CLEC16A: variants seen among roughly 807,000 people sequenced by gnomAD.
CLEC16A encodes C-type lectin domain containing 16A, also known as protein CLEC16A.
A neutral mutation model predicts 109.5 loss-of-function variants in CLEC16A; 51 were observed. That is an observed-to-expected ratio of 0.47 (90% confidence interval 0.37 to 0.59). The LOEUF is 0.59. Ranked by LOEUF, CLEC16A falls within the 20% of genes least tolerant of loss-of-function variation. CLEC16A has a pLI of 0.00. For missense variants in CLEC16A, 1,339 were observed against 1,394.0 expected (o/e 0.96, Z 0.63); for synonymous variants, 673 against 564.2 (o/e 1.19, Z -2.73).
chr16:11,008,070 G>T (rs904694982), intron 11 of CLEC16A, among the ~76,000 whole-genome samples: 1 of 152,120 alleles, frequency 6.6e-6, no homozygotes, highest in African/African-American at 2.4e-5. Flanking sequence ...AGCACTTAGC[G>T]CACACACTCT....
intron 19 of CLEC16A, among the ~76,000 whole-genome samples, chr16:11,094,074 G>C (rs2050465027): frequency 6.6e-6 from 1 of 152,152 alleles, no homozygotes; most frequent in South Asian, 2.1e-4. Flanking sequence ...GCCTTCTTTT[G>C]TAACTGTGGC....
chr16:11,139,252 C>T (rs1404742882), intron 22 of CLEC16A, among the ~76,000 whole-genome samples: 1 of 152,162 alleles, frequency 6.6e-6, no homozygotes, highest in African/African-American at 2.4e-5. Flanking sequence ...TCAGACAGAA[C>T]CTCCAAGCTT....
At chr16:11,038,586 C>A (rs551832146) in intron 13 of CLEC16A, among the ~76,000 whole-genome samples, 1 of 152,160 alleles carries the variant, frequency 6.6e-6, no homozygotes, top group African/African-American at 2.4e-5. Context: ...CACACACTTG[C>A]CTGTTCTTCT....
intron 13 of CLEC16A, among the ~76,000 whole-genome samples, chr16:11,037,326 T>G (rs779012778): frequency 2.2e-4 from 33 of 152,206 alleles, no homozygotes; most frequent in Non-Finnish European, 1.5e-5. Context: ...TTGAGCTGTG[T>G]CTCTGACTTG....
chr16:11,149,448 G>C (rs1317710158), intron 22 of CLEC16A, among the ~76,000 whole-genome samples: 2 of 151,822 alleles, frequency 1.3e-5, no homozygotes, highest in East Asian at 3.9e-4. Flanking sequence ...TCCCTGTTTT[G>C]TCTCTTTCTC....
intron 19 of CLEC16A, among the ~76,000 whole-genome samples, chr16:11,098,670 A>C (rs970799276): frequency 6.6e-6 from 1 of 152,218 alleles, no homozygotes; most frequent in Non-Finnish European, 1.5e-5. Flanking sequence ...CGGGTGCCCC[A>C]GGCTGCCAAT....
chr16:11,136,834 G>A (rs1027807427), intron 22 of CLEC16A, among the ~76,000 whole-genome samples: 1 of 152,198 alleles, frequency 6.6e-6, no homozygotes, highest in African/African-American at 2.4e-5. Flanking sequence ...GCCATCATTG[G>A]CACTGCGCCC....
rs903920096 is a variant in CLEC16A, at chr16:11,174,342, G to A, written c.2807-3993G>A. On this transcript the variant is annotated intron_variant, in intron 23 of 23. Transcript: ENST00000409790. The surrounding 1 kb of genome is among the most constrained non-coding windows in gnomAD (Gnocchi z 4.7). ...CTCGCCACGCTGCATTTCCACAGTC[G>A]GCAGGGTCCGCGCTGGCAAGGTGGG... 34 of 415,144 alleles carry A rather than the reference G, an allele frequency of 8.2e-5. No homozygotes were observed. The highest frequency in any genetic ancestry group is 4.5e-4 in the East Asian group (6 of 13,404). The allele number at this position is 415,144 out of a possible 1,614,324, so 25.7% of individuals were successfully genotyped here.
At chr16:10,990,461 A>G (rs2043937515) in intron 10 of CLEC16A, among the ~76,000 whole-genome samples, 1 of 152,204 alleles carries the variant, frequency 6.6e-6, no homozygotes, top group Non-Finnish European at 1.5e-5. Context: ...TTAGTACTTG[A>G]GAAGGGAGCA....
chr16:11,065,582 C>T (rs2048716380), intron 19 of CLEC16A, among the ~76,000 whole-genome samples: 1 of 152,180 alleles, frequency 6.6e-6, no homozygotes, highest in Non-Finnish European at 1.5e-5. Context: ...AGGGAGCAAC[C>T]ACTAACAGGT....
chr16:11,142,785 C>G (rs1597545845), intron 22 of CLEC16A, among the ~76,000 whole-genome samples: 1 of 152,254 alleles, frequency 6.6e-6, no homozygotes, highest in Non-Finnish European at 1.5e-5. Context: ...AGTGGCTTGT[C>G]TTTTTATTCA....
rs561250175 is a variant in CLEC16A at position 10,972,290 on chromosome 16, C to T, written c.599-264C>T. Among the ~76,000 whole-genome samples the T allele has an allele frequency of 1.8e-4, 28 of 152,324 alleles. No homozygotes were observed. The South Asian group carries it at 5.4e-3, about 29-fold the overall frequency. ...CCCTTTGGGGTCAAGGCCCGTGCTC[C>T]CAGGTCACACGCTGGACCTCTGGCA... On this transcript the variant is annotated intron_variant, in intron 5 of 23. Coordinates refer to ENST00000409790, the MANE Select transcript of CLEC16A (RefSeq NM_015226.3).
intron 19 of CLEC16A, among the ~76,000 whole-genome samples, chr16:11,069,791 G>A (rs2048964325): frequency 6.6e-6 from 1 of 151,730 alleles, no homozygotes; most frequent in African/African-American, 2.4e-5. Flanking sequence ...CATGCAAAAT[G>A]AGCAGATTTT....
intron 9 of CLEC16A, among the ~76,000 whole-genome samples, chr16:10,980,414 G>A (rs1376534154): frequency 6.6e-6 from 1 of 151,850 alleles, no homozygotes; most frequent in Admixed American, 6.6e-5. Flanking sequence ...TTCCAAGTCT[G>A]CCGGCATCTC....
intron 1 of CLEC16A, among the ~76,000 whole-genome samples, chr16:10,945,247 C>T (rs1246285535): frequency 6.6e-6 from 1 of 152,172 alleles, no homozygotes; most frequent in African/African-American, 2.4e-5. Context: ...AGAGTGACAG[C>T]ACCTGCTTCC....
intron 20 of CLEC16A, among the ~76,000 whole-genome samples, chr16:11,122,938 C>A (rs1489969554): frequency 9.8e-6 from 1 of 102,308 alleles, no homozygotes; most frequent in Non-Finnish European, 1.7e-5. Context: ...GAGTCTCATT[C>A]TGTTGCCCGG....
chr16:11,168,054 C>T (rs1474618799), intron 23 of CLEC16A, among the ~76,000 whole-genome samples: 1 of 152,202 alleles, frequency 6.6e-6, no homozygotes, highest in Non-Finnish European at 1.5e-5. Flanking sequence ...TAAGGACGTA[C>T]AGCCAACAGC....
intron 13 of CLEC16A, chr16:11,027,867 C>T: frequency 1.6e-6 from 1 of 641,628 alleles, no homozygotes; most frequent in Non-Finnish European, 2.8e-6. Flanking sequence ...AGATTATTTC[C>T]TGCTCTGTCT....
Position 10,954,032 on chromosome 16 carries a change from C to G in CLEC16A, c.81-3750C>G, listed in dbSNP as rs1378324005. On this transcript the variant is annotated intron_variant, in intron 1 of 23. Transcript: ENST00000409790. This position sits in a 1 kb window ranked among gnomAD's most constrained non-coding sequence, Gnocchi z 4.2. ...CAGGCACCTCACAAAAGAAGATATT[C>G]AAACAGTCCATAAACATATATGAAC... Among the ~76,000 whole-genome samples the G allele has an allele frequency of 6.6e-6, 1 of 151,724 alleles. No homozygotes were observed. Among genetic ancestry groups the G allele is most frequent in the African/African-American group, 2.4e-5 (1 of 41,280 alleles).
Sources: gnomAD v4.1 joint callset for allele counts (sites outside exome capture counted in the v4.1 genomes callset) on GRCh38, gnomAD v4.1.1 for gene constraint, Gnocchi (gnomAD v3.1) non-coding constraint, MANE v1.5 for transcripts, NCBI Gene and HGNC (gene_info 2026-07-23, HGNC 2026-07-21) for gene names.